The following MTOR variants were observed in gnomAD, a reference collection of about 807,000 sequenced individuals.
The protein encoded by MTOR is mechanistic target of rapamycin kinase.
Under a neutral mutation model 319.8 loss-of-function variants are expected in MTOR, and 70 were observed. The observed-to-expected ratio is 0.22, with a 90% confidence interval of 0.18 to 0.27. The LOEUF is 0.27. Among genes scored for constraint, MTOR ranks in the 10% least tolerant of loss-of-function variants. The pLI is 1.00. For missense variants in MTOR, 1,890 were observed against 3,274.4 expected (o/e 0.58, Z 10.32); for synonymous variants, 1,183 against 1,211.4 (o/e 0.98, Z 0.49).
intron 28 of MTOR, among the ~76,000 whole-genome samples, chr1:11,181,016 C>T (rs1426013828): frequency 6.6e-6 from 1 of 152,140 alleles, no homozygotes; most frequent in Non-Finnish European, 1.5e-5. Context: ...ACTTTGTAAT[C>T]TGCCCGTCTT....
chr1:11,181,640 AC>A (rs1254742207), intron 28 of MTOR, among the ~76,000 whole-genome samples: 6 of 152,212 alleles, frequency 3.9e-5, no homozygotes, highest in Non-Finnish European at 8.8e-5. Context: ...AGGAAAACTG[AC>A]CCCATGCAGG....
chr1:11,168,207 T>C (rs967774186), intron 28 of MTOR, among the ~76,000 whole-genome samples: 4 of 150,724 alleles, frequency 2.7e-5, no homozygotes, highest in African/African-American at 4.9e-5. Flanking sequence ...GAGACTCCTC[T>C]GAACTTTTTT....
intron 29 of MTOR, among the ~76,000 whole-genome samples, chr1:11,162,228 T>G (rs543683458): frequency 6.6e-6 from 1 of 152,126 alleles, no homozygotes; most frequent in Non-Finnish European, 1.5e-5. Context: ...AAGAGAAGTT[T>G]AGAGAAAAAA....
Position 11,127,607 on chromosome 1 carries a change from T to C in MTOR, c.6216+17A>G, listed in dbSNP as rs777002556. ...ATTTCTACAGGGTTATGTCCTTTCGTGTTTTTTACCCCATACCTGATTAAA... is the reference window on the plus strand; with the variant it reads ...ATTTCTACAGGGTTATGTCCTTTCGCGTTTTTTACCCCATACCTGATTAAA... On this transcript the variant is annotated intron_variant, in intron 44 of 57. Transcript: ENST00000361445. This position sits in a 1 kb window ranked among gnomAD's most constrained non-coding sequence, Gnocchi z 5.5. The C allele has an allele frequency of 1.3e-5, 20 of 1,587,948 alleles. No individual in the cohort carries two copies. The South Asian group carries it at 2.1e-4, about 16-fold the overall frequency.
At chr1:11,134,553 G>T in intron 36 of MTOR, 87 bp from the exon 37 acceptor site, 1 of 1,081,862 alleles carries the variant, frequency 9.2e-7, no homozygotes, top group Non-Finnish European at 1.4e-6. Flanking sequence ...ATAGGCATGA[G>T]TCAACCCCTC....
intron 28 of MTOR, among the ~76,000 whole-genome samples, chr1:11,169,936 C>T (rs1200829836): frequency 6.6e-6 from 1 of 152,164 alleles, no homozygotes; most frequent in Non-Finnish European, 1.5e-5. Context: ...ACGGTGGAGA[C>T]TTAAGTTAGG....
In MTOR at chr1:11,248,031, C is replaced by T. The variant is rs917871306; in HGVS notation, c.904G>A (p.Asp302Asn). 3.1e-6 allele frequency: 5 copies of T among 1,613,990 alleles called. No individual in the cohort carries two copies. The Admixed American group carries it at 6.7e-5, about 22-fold the overall frequency. ...QQLVHDKYCK[D>N]LMGFGTKPRH... ...GGTTTTGTTCCGAAGCCCATGAGAT[C>T]TTTGCAGTACTTGTCGTGTACCAGC... is the stretch of plus-strand genomic sequence containing the variant. Residue 302 changes from aspartate to asparagine, a missense_variant, in exon 7 of 58, where the codon GAT becomes AAT. Physicochemically the swap from Asp to Asn is conservative, Grantham distance 23. Transcript: ENST00000361445.
At chr1:11,243,473 T>C (rs1306742267) in intron 8 of MTOR, among the ~76,000 whole-genome samples, 173 bp from the exon 9 acceptor site, 1 of 151,344 alleles carries the variant, frequency 6.6e-6, no homozygotes, top group Non-Finnish European at 1.5e-5. Flanking sequence ...GAGAGGAGTG[T>C]TTGAGGCCAG....
At chr1:11,235,038 T>C (rs1647151583) in intron 13 of MTOR, among the ~76,000 whole-genome samples, 1 of 152,198 alleles carries the variant, frequency 6.6e-6, no homozygotes. Flanking sequence ...CATTTTGTCT[T>C]AGGTTACTGA....
chr1:11,203,386 A>AC (rs1646042450), intron 26 of MTOR, among the ~76,000 whole-genome samples: 1 of 152,272 alleles, frequency 6.6e-6, no homozygotes, highest in Non-Finnish European at 1.5e-5. Flanking sequence ...ATGTATCAAT[A>AC]AAAAAAATTT....
intron 1 of MTOR, among the ~76,000 whole-genome samples, chr1:11,260,105 TTACTAC>T (rs996808885): frequency 2.6e-5 from 4 of 152,114 alleles, no homozygotes; most frequent in African/African-American, 9.7e-5. Flanking sequence ...GCTATTATTA[TTACTAC>T]TACTACTACT....
chr1:11,150,238 G>A lies in MTOR; in HGVS notation c.4470-12C>T. 6.2e-7 allele frequency: 1 copy of A among 1,606,842 alleles called. No homozygotes were observed. The highest frequency in any genetic ancestry group is 8.5e-7 in the Non-Finnish European group (1 of 1,175,014). On this transcript the variant is annotated splice_polypyrimidine_tract_variant and intron_variant, in intron 30 of 57. Transcript: ENST00000361445. ...GGTGGAGTTGACCCCTGAAGAAAATGAATTATATAGTCAGATTAATCCAAA... is the reference window on the plus strand; with the variant it reads ...GGTGGAGTTGACCCCTGAAGAAAATAAATTATATAGTCAGATTAATCCAAA...
At chr1:11,164,454 A>T (rs1023799990) in intron 29 of MTOR, among the ~76,000 whole-genome samples, 8 of 152,182 alleles carry the variant, frequency 5.3e-5, no homozygotes, top group Admixed American at 2.0e-4. Context: ...CCATCAGAGA[A>T]TACTATAAAC....
chr1:11,152,655 TG>T (rs1644188639), intron 30 of MTOR, among the ~76,000 whole-genome samples: 1 of 152,164 alleles, frequency 6.6e-6, no homozygotes, highest in Non-Finnish European at 1.5e-5. Flanking sequence ...CACAGCCTCC[TG>T]GAGGCAGATA....
chr1:11,182,250 G>A (rs1452093913), intron 28 of MTOR, among the ~76,000 whole-genome samples: 1 of 151,226 alleles, frequency 6.6e-6, no homozygotes, highest in Non-Finnish European at 1.5e-5. Context: ...ACTGAAATAA[G>A]TGCTTTTGTG....
At position 11,238,419 on chromosome 1, in the gene MTOR, A is replaced by G. The variant is rs1276797201; in HGVS notation, c.1985T>C (p.Val662Ala). The G allele has an allele frequency of 6.2e-7, 1 of 1,613,934 alleles. No homozygotes were observed. The highest frequency in any genetic ancestry group is 1.3e-5 in the African/African-American group (1 of 74,902). Residue 662 changes from valine (V) to alanine (A), a missense_variant, in exon 12 of 58, where the codon GTT (valine) becomes GCT (alanine). Transcript: ENST00000361445. ...VADVLSKLLV[V>A]GITDPDPDIR... ...AGCCTTACCAGGATCTGTTATCCCA[A>G]CTACGAGCAGTTTGCTAAGCACATC...
intron 39 of MTOR, 60 bp downstream of exon 39, chr1:11,130,469 C>A (rs542825761): frequency 6.3e-7 from 1 of 1,577,482 alleles, no homozygotes. Context: ...AACAACGATT[C>A]CATTTCTCAG....
chr1:11,222,180 T>C (rs1646687126), intron 19 of MTOR, among the ~76,000 whole-genome samples: 1 of 152,008 alleles, frequency 6.6e-6, no homozygotes, highest in Non-Finnish European at 1.5e-5. Context: ...AAGTTCTTTT[T>C]TAAAATTTAT....
intron 6 of MTOR, among the ~76,000 whole-genome samples, chr1:11,251,797 T>C (rs1348505844): frequency 1.3e-5 from 2 of 151,926 alleles, no homozygotes; most frequent in African/African-American, 4.8e-5. Context: ...CAGCCTTGGA[T>C]AGTTTCTTAT....
Sources: gnomAD v4.1 joint callset for allele counts (sites outside exome capture counted in the v4.1 genomes callset) on GRCh38, gnomAD v4.1.1 for gene constraint, Gnocchi (gnomAD v3.1) non-coding constraint, MANE v1.5 for transcripts, NCBI Gene and HGNC (gene_info 2026-07-23, HGNC 2026-07-21) for gene names.